Variants in HEATR5A observed in about 807,000 individuals in gnomAD.
HEATR5A encodes the protein HEAT repeat-containing protein 5A.
In HEATR5A, 178 loss-of-function variants were observed where a neutral mutation model predicts 218.8. That is an observed-to-expected ratio of 0.81 (90% CI 0.72 to 0.92). The LOEUF is 0.92. HEATR5A is among the 40% of genes least tolerant of loss of function. HEATR5A has a pLI of 0.00. For missense variants in HEATR5A, 2,420 were observed against 2,418.9 expected (o/e 1.00, Z -0.01); for synonymous variants, 864 against 871.6 (o/e 0.99, Z 0.15).
At chr14:31,336,801 C>A (rs548066271) in intron 22 of HEATR5A, among the ~76,000 whole-genome samples, 2 of 152,260 alleles carry the variant, frequency 1.3e-5, no homozygotes, top group African/African-American at 4.8e-5. Flanking sequence ...GGCTCTCAAA[C>A]TTTAGTACAG....
chr14:31,369,421 T>C (rs1023103131), intron 13 of HEATR5A, among the ~76,000 whole-genome samples: 26 of 151,972 alleles, frequency 1.7e-4, no homozygotes, highest in African/African-American at 5.1e-4. Flanking sequence ...AAAACCAGCC[T>C]GGCCAACATG....
At position 31,321,531 on chromosome 14, in the gene HEATR5A, C is replaced by A; in HGVS notation, c.3937G>T (p.Gly1313Cys). The stretch of plus-strand genomic sequence containing the variant: ...TGATACTGTTCCAGAATCACATGAC[C>A]TGGAAACTCTGGTTCTGGAACAGTT... ...FATVPEPEFP[G>C]HVILEQYQAN... is the part of the protein sequence containing the mutation. The change falls in exon 25 of 36, where the codon GGT becomes TGT. Residue 1313 changes from glycine (G) to cysteine (C), a missense_variant. Physicochemically the swap from Gly to Cys is radical, Grantham distance 159. Coordinates refer to ENST00000543095, the MANE Select transcript of HEATR5A (RefSeq NM_015473.4). The A allele has an allele frequency of 6.2e-7, 1 of 1,602,248 alleles. No homozygotes were observed. The highest frequency in any genetic ancestry group is 8.5e-7 in the Non-Finnish European group (1 of 1,174,212).
chr14:31,337,721 T>C (rs2139194914), intron 21 of HEATR5A, 107 bp from the exon 22 acceptor site: 2 of 852,634 alleles, frequency 2.3e-6, no homozygotes, highest in South Asian at 1.9e-5. Flanking sequence ...AGCCCATCAG[T>C]GGGCTGGACA....
Position 31,339,490 on chromosome 14 carries a change from A to C in HEATR5A, c.3229-1876T>G, listed in dbSNP as rs541691170. Among the ~76,000 whole-genome samples the C allele has an allele frequency of 7.2e-5, 11 of 151,806 alleles. No individual in the cohort carries two copies. In the South Asian group the frequency reaches 2.3e-3, roughly 32 times the overall value. On this transcript the variant is annotated intron_variant, in intron 21 of 35. Transcript: ENST00000543095. ...AAAAAAAAAAGAATGTACAAGAAGA[A>C]ACACATGCAAAGAGAGCCAAATTCT...
intron 22 of HEATR5A, among the ~76,000 whole-genome samples, chr14:31,327,120 G>A (rs1039988874): frequency 2.0e-5 from 3 of 151,542 alleles, no homozygotes; most frequent in African/African-American, 7.3e-5. Flanking sequence ...GACTACAGGT[G>A]CCTGCCACCA....
chr14:31,420,293 C>T (rs1040536433), intron 1 of HEATR5A, 179 bp downstream of exon 1: 17 of 152,320 alleles, frequency 1.1e-4, no homozygotes, highest in African/African-American at 3.9e-4. Context: ...AGCCCCTCGA[C>T]CGGTTCTCCC....
chr14:31,344,995 C>A (rs1403990167), intron 20 of HEATR5A, 92 bp downstream of exon 20: 4 of 1,016,286 alleles, frequency 3.9e-6, no homozygotes, highest in Non-Finnish European at 5.9e-6. Flanking sequence ...CATACAGCAC[C>A]TATCACGTGC....
At chr14:31,406,938 T>C (rs993560215) in intron 1 of HEATR5A, among the ~76,000 whole-genome samples, 6 of 127,942 alleles carry the variant, frequency 4.7e-5, no homozygotes, top group African/African-American at 1.5e-4. Context: ...TTGCATTCCA[T>C]TGCACTCTAG....
At chr14:31,394,537 T>C (rs368321684) in intron 5 of HEATR5A, among the ~76,000 whole-genome samples, 80 of 152,006 alleles carry the variant, frequency 5.3e-4, no homozygotes, top group African/African-American at 1.4e-3. Context: ...AAACTCTGGC[T>C]GGGCACGGAG....
rs1029203468 is a variant in HEATR5A, at chr14:31,364,412, T to C, written c.1962-114A>G. ...TAGCTATGTATTTTATTAACAAACA[T>C]TAGTGCTGCTTTACTTTTATTTTTT... On this transcript the variant is annotated intron_variant, in intron 13 of 35. Transcript: ENST00000543095. The C allele has an allele frequency of 2.5e-5, 14 of 567,496 alleles. No individual in the cohort carries two copies. The East Asian group carries it at 3.3e-4, about 13-fold the overall frequency. 35.2% of individuals were successfully genotyped at this position (567,496 alleles called of 1,614,324 possible).
intron 16 of HEATR5A, among the ~76,000 whole-genome samples, chr14:31,354,291 T>C (rs528946919): frequency 6.6e-6 from 1 of 152,274 alleles, no homozygotes; most frequent in South Asian, 2.1e-4. Flanking sequence ...CTGGAAGTTA[T>C]AAAAATACGT....
rs1287224474 is a variant in HEATR5A at position 31,308,015 on chromosome 14, T to G, written c.4696A>C (p.Ser1566Arg). The G allele has an allele frequency of 3.7e-6, 6 of 1,606,316 alleles. No individual in the cohort carries two copies. The highest frequency in any genetic ancestry group is 5.1e-6 in the Non-Finnish European group (6 of 1,177,652). The change falls in exon 30 of 36, where the codon AGC (serine) becomes CGC (arginine). Residue 1566 changes from serine (S) to arginine (R), a missense_variant. By Grantham distance (110) the Ser-to-Arg change is moderately radical (BLOSUM62 -1). Transcript: ENST00000543095. ...TDRFHLILGISVEFLCSLRSD... is the reference protein window; with the variant it reads ...TDRFHLILGIRVEFLCSLRSD... The stretch of plus-strand genomic sequence containing the variant: ...CGTAAGGAACATAGAAATTCCACGC[T>G]GATTCCTGTGGAAAGCAAAAAAAGA...
intron 16 of HEATR5A, among the ~76,000 whole-genome samples, chr14:31,353,307 G>T (rs960118451): frequency 6.6e-6 from 1 of 151,958 alleles, no homozygotes; most frequent in Admixed American, 6.6e-5. Flanking sequence ...ACTATTATAT[G>T]GTTTTACTAT....
At chr14:31,322,241 T>G (rs988003196) in intron 24 of HEATR5A, among the ~76,000 whole-genome samples, 2 of 152,138 alleles carry the variant, frequency 1.3e-5, no homozygotes, top group Non-Finnish European at 2.9e-5. Flanking sequence ...GTATAACATA[T>G]CTCCTGTGGA....
chr14:31,313,659 C>T (rs576009921), intron 27 of HEATR5A, among the ~76,000 whole-genome samples: 1 of 152,166 alleles, frequency 6.6e-6, no homozygotes, highest in Non-Finnish European at 1.5e-5. Flanking sequence ...ATAACATGCA[C>T]TATCCCTTTA....
rs193028472 is a variant in HEATR5A, at chr14:31,384,551, G to A, written c.1346-780C>T. Among the ~76,000 whole-genome samples the A allele has an allele frequency of 4.7e-3, 669 of 141,004 alleles. 2 individuals are homozygous for A. Among genetic ancestry groups the A allele is most frequent in the African/African-American group, 0.017 (632 of 37,784 alleles). 92.5% of individuals were successfully genotyped at this position (141,004 alleles called of 152,430 possible). A position where few individuals can be genotyped will look rare whatever the true frequency, so the allele number is the denominator to read the frequency against. On this transcript the variant is annotated intron_variant, in intron 9 of 35. Transcript: ENST00000543095. ...TACTTTTTTTTTTTTTTTTGAGATA[G>A]CATCTTGCTCTGTCACCCAGGCTGG... is the stretch of plus-strand genomic sequence containing the variant.
intron 26 of HEATR5A, among the ~76,000 whole-genome samples, chr14:31,317,595 C>T (rs1435914157): frequency 6.6e-6 from 1 of 152,126 alleles, no homozygotes; most frequent in African/African-American, 2.4e-5. Flanking sequence ...TGTACCTGGC[C>T]TAGGGCTGGA....
chr14:31,391,676 T>G (rs1011766957), intron 6 of HEATR5A, among the ~76,000 whole-genome samples: 1 of 152,196 alleles, frequency 6.6e-6, no homozygotes, highest in Non-Finnish European at 1.5e-5. Context: ...CAACTTCCAG[T>G]CCTGTAAGTT....
rs1002447848 is a variant in HEATR5A at position 31,329,270 on chromosome 14, T to A, written c.3368-2928A>T. 4.6e-5 allele frequency among the ~76,000 whole-genome samples: 7 copies of A among 152,040 alleles called. 1 individual carries two copies. Among genetic ancestry groups the A allele is most frequent in the African/African-American group, 1.7e-4 (7 of 41,390 alleles). ...AAAACCAATCATGCCTTCCCAACAGTCTCCCAAAGTCTTAATTCATTTCAG... is the reference window on the plus strand; with the variant it reads ...AAAACCAATCATGCCTTCCCAACAGACTCCCAAAGTCTTAATTCATTTCAG... On this transcript the variant is annotated intron_variant, in intron 22 of 35. Transcript: ENST00000543095.
Sources: gnomAD v4.1 joint callset for allele counts (sites outside exome capture counted in the v4.1 genomes callset) on GRCh38, gnomAD v4.1.1 for gene constraint, MANE v1.5 for transcripts, NCBI Gene and HGNC (gene_info 2026-07-23, HGNC 2026-07-21) for gene names.